CLVS1: variants seen among roughly 807,000 people sequenced by gnomAD.
CLVS1 encodes clavesin 1.
In CLVS1, 10 loss-of-function variants were observed where a neutral mutation model predicts 33.1. That is an observed-to-expected ratio of 0.30 (90% CI 0.19 to 0.51). CLVS1 has a LOEUF of 0.51. Among genes scored for constraint, CLVS1 ranks in the 20% least tolerant of loss-of-function variants. The pLI is 0.97. For missense variants in CLVS1, 343 were observed against 433.4 expected, an observed-to-expected ratio of 0.79 and a Z score of 1.85; for synonymous variants, 163 against 166.1, an observed-to-expected ratio of 0.98 and a Z score of 0.14.
chr8:61,382,763 C>T (rs780237097), intron 3 of CLVS1, among the ~76,000 whole-genome samples: 1 of 152,146 alleles, frequency 6.6e-6, no homozygotes. Flanking sequence ...CCAGGAGATG[C>T]TGCTGCTGCT....
intron 3 of CLVS1, among the ~76,000 whole-genome samples, chr8:61,393,230 T>C (rs1814379078): frequency 6.6e-6 from 1 of 152,176 alleles, no homozygotes; most frequent in South Asian, 2.1e-4. Context: ...TCTCTAAGTA[T>C]GTCTTTCATT....
At chr8:61,380,564 T>TA (rs1263199457) in intron 3 of CLVS1, among the ~76,000 whole-genome samples, 3 of 152,210 alleles carry the variant, frequency 2.0e-5, no homozygotes, top group Non-Finnish European at 1.5e-5. Flanking sequence ...GTCAAAATAC[T>TA]AATTTTGAGA....
chr8:61,364,244 A>T (rs1344723926), intron 2 of CLVS1, among the ~76,000 whole-genome samples: 1 of 152,198 alleles, frequency 6.6e-6, no homozygotes, highest in Non-Finnish European at 1.5e-5. Context: ...GCCTTGCCTT[A>T]TTGGTGCCAA....
the CLVS1 span, among the ~76,000 whole-genome samples, chr8:61,024,740 A>G: frequency 0.39 from 59,781 of 152,074 alleles, 15,326 homozygotes; most frequent in African/African-American, 0.73. Context: ...TGCCATTAAT[A>G]AGTTCAAATG....
chr8:61,288,487 A>G (rs1809857922), intron 1 of CLVS1, among the ~76,000 whole-genome samples: 1 of 152,158 alleles, frequency 6.6e-6, no homozygotes, highest in Non-Finnish European at 1.5e-5. Context: ...GAAAGAGCTC[A>G]AGTTGACAGG....
At chr8:61,263,939 G>A (rs1419743359) in intron 2 of CLVS1, among the ~76,000 whole-genome samples, 2 of 152,188 alleles carry the variant, frequency 1.3e-5, no homozygotes, top group Non-Finnish European at 2.9e-5. Flanking sequence ...AGCATCTTGG[G>A]TTGAGGAAGT....
At chr8:61,194,577 C>T (rs951245313) in intron 2 of CLVS1, among the ~76,000 whole-genome samples, 1 of 151,612 alleles carries the variant, frequency 6.6e-6, no homozygotes, top group African/African-American at 2.4e-5. Flanking sequence ...CTCCTTTCCC[C>T]AAAGGGAAAT....
chr8:61,060,516 C>T (rs1344339998), intron 1 of CLVS1, among the ~76,000 whole-genome samples: 4 of 152,154 alleles, frequency 2.6e-5, no homozygotes, highest in Non-Finnish European at 5.9e-5. Flanking sequence ...GTATTTTTCT[C>T]TTAATGTTCT....
chr8:61,418,549 A>C (rs1187582329), intron 3 of CLVS1, among the ~76,000 whole-genome samples: 7 of 152,234 alleles, frequency 4.6e-5, no homozygotes, highest in African/African-American at 1.7e-4. Context: ...ATACTCATAC[A>C]AACATAGATA....
intron 3 of CLVS1, among the ~76,000 whole-genome samples, chr8:61,409,393 CT>C (rs1230382834): frequency 1.3e-5 from 2 of 151,924 alleles, no homozygotes; most frequent in Non-Finnish European, 2.9e-5. Flanking sequence ...TACACTTTGC[CT>C]TATTATTTAA....
At chr8:61,463,046 A>T (rs1359017154) in intron 5 of CLVS1, among the ~76,000 whole-genome samples, 2 of 152,166 alleles carry the variant, frequency 1.3e-5, no homozygotes, top group African/African-American at 4.8e-5. Context: ...TCTTTCCTAG[A>T]TCTTCTGGAT....
At chr8:61,474,076 G>A (rs778463394) in intron 5 of CLVS1, among the ~76,000 whole-genome samples, 7 of 152,182 alleles carry the variant, frequency 4.6e-5, no homozygotes, top group Non-Finnish European at 1.0e-4. Flanking sequence ...AGAGCTTGTA[G>A]AAAGAAAAGA....
At chr8:61,374,981 C>T (rs898069980) in intron 2 of CLVS1, among the ~76,000 whole-genome samples, 1 of 152,084 alleles carries the variant, frequency 6.6e-6, no homozygotes, top group African/African-American at 2.4e-5. Context: ...CTTCTCTCTC[C>T]TGAAAAAGTC....
intron 3 of CLVS1, among the ~76,000 whole-genome samples, chr8:61,422,430 T>C (rs924493186): frequency 6.6e-6 from 1 of 152,132 alleles, no homozygotes; most frequent in Non-Finnish European, 1.5e-5. Flanking sequence ...GACAAATAAA[T>C]AAATAATTAA....
At chr8:61,322,948 TTGTGG>T (rs1438704198) in intron 2 of CLVS1, among the ~76,000 whole-genome samples, 7 of 152,306 alleles carry the variant, frequency 4.6e-5, no homozygotes, top group African/African-American at 1.7e-4. Flanking sequence ...GCTATGTCTC[TTGTGG>T]TACTCCGAAT....
At chr8:61,414,339 A>G (rs1815345184) in intron 3 of CLVS1, among the ~76,000 whole-genome samples, 1 of 152,144 alleles carries the variant, frequency 6.6e-6, no homozygotes, top group South Asian at 2.1e-4. Flanking sequence ...TTCAACAATA[A>G]ATAGGTTATT....
chr8:61,341,913 G>C (rs1343440434), intron 2 of CLVS1, among the ~76,000 whole-genome samples: 1 of 152,168 alleles, frequency 6.6e-6, no homozygotes, highest in East Asian at 1.9e-4. Flanking sequence ...TCCTCCAGGG[G>C]CTTTTAGTGC....
At chr8:61,255,061 G>C (rs1242798406) in intron 2 of CLVS1, among the ~76,000 whole-genome samples, 1 of 152,128 alleles carries the variant, frequency 6.6e-6, no homozygotes, top group Non-Finnish European at 1.5e-5. Flanking sequence ...CCCCCTATTT[G>C]TGGTTTTTTG....
At chr8:61,134,502 G>T (rs551466993) in intron 2 of CLVS1, among the ~76,000 whole-genome samples, 1 of 152,362 alleles carries the variant, frequency 6.6e-6, no homozygotes, top group South Asian at 2.1e-4. Flanking sequence ...AAATGTCAGT[G>T]TTTATAAAGT....
Sources: allele counts gnomAD v4.1 joint callset (sites outside exome capture counted in the v4.1 genomes callset), GRCh38; gene constraint gnomAD v4.1.1; transcripts MANE v1.5; gene names NCBI Gene and HGNC (gene_info 2026-07-23, HGNC 2026-07-21).